RWDD4: variants seen among roughly 807,000 people sequenced by gnomAD.
RWDD4 encodes the protein RWD domain-containing protein 4.
In RWDD4, 16 loss-of-function variants were observed where a neutral mutation model predicts 30.0. The observed-to-expected ratio is 0.53, with a 90% CI of 0.36 to 0.81. RWDD4 has a LOEUF of 0.81. RWDD4 is among the 30% of genes least tolerant of loss of function. The probability of loss-of-function intolerance (pLI) is 0.00; values close to 1 mark genes in which losing one functional copy is unlikely to be tolerated. For missense variants in RWDD4, 170 were observed against 223.9 expected, an observed-to-expected ratio of 0.76 and a Z score of 1.54; for synonymous variants, 45 against 72.1, an observed-to-expected ratio of 0.62 and a Z score of 1.90.
Position 183,656,900 on chromosome 4 carries a change from C to T in RWDD4, c.25-939G>A, listed in dbSNP as rs148847249. Among the ~76,000 whole-genome samples, 207 of 152,290 alleles carry T rather than the reference C, an allele frequency of 1.4e-3. 4 individuals are homozygous for T. The East Asian group carries it at 0.03, about 22-fold the overall frequency. On this transcript the variant is annotated intron_variant, in intron 1 of 7. Coordinates refer to ENST00000326397, the MANE Select transcript of RWDD4 (RefSeq NM_152682.4). Reference sequence around the variant, plus strand: ...AATTAGCCAGGTGTGGTGATGGGCGCCTGTAGTCCCAGCTACTCAGGAGGC... The same window carrying T: ...AATTAGCCAGGTGTGGTGATGGGCGTCTGTAGTCCCAGCTACTCAGGAGGC...
chr4:183,642,093 AC>A (rs1733866217), intron 7 of RWDD4, among the ~76,000 whole-genome samples: 2 of 152,114 alleles, frequency 1.3e-5, no homozygotes, highest in African/African-American at 4.8e-5. Flanking sequence ...CTCCAAGAAC[AC>A]TAGAGAGTGT....
At chr4:183,648,010 C>T (rs937196281) in intron 5 of RWDD4, among the ~76,000 whole-genome samples, 5 of 151,638 alleles carry the variant, frequency 3.3e-5, no homozygotes, top group African/African-American at 9.7e-5. Flanking sequence ...TTTGGGAGGC[C>T]GAGGCTGGCA....
chr4:183,647,496 C>CG (rs1376984947), intron 5 of RWDD4, among the ~76,000 whole-genome samples: 3 of 152,104 alleles, frequency 2.0e-5, no homozygotes, highest in African/African-American at 7.2e-5. Flanking sequence ...GCCACAGTGC[C>CG]GTGGCTGTCC....
intron 2 of RWDD4, among the ~76,000 whole-genome samples, chr4:183,655,573 C>A (rs745957834): frequency 6.6e-6 from 1 of 152,186 alleles, no homozygotes; most frequent in South Asian, 2.1e-4. Context: ...TGAGAGCCAC[C>A]GCGCCCAGCC....
intron 2 of RWDD4, among the ~76,000 whole-genome samples, chr4:183,654,185 G>A (rs1339440763): frequency 6.6e-6 from 1 of 152,156 alleles, no homozygotes; most frequent in Admixed American, 6.5e-5. Flanking sequence ...GGAAAGTTTG[G>A]AGACAGAAAC....
At chr4:183,651,659 C>T (rs190469740) in intron 2 of RWDD4, among the ~76,000 whole-genome samples, 13 of 152,190 alleles carry the variant, frequency 8.5e-5, no homozygotes, top group Middle Eastern at 3.4e-3. Flanking sequence ...TCAACTTATC[C>T]GTGGGATACA....
In RWDD4 at chr4:183,650,948, C is replaced by T. The variant is rs533307082; in HGVS notation, c.363+36G>A. 66 of 1,588,154 alleles carry T rather than the reference C, an allele frequency of 4.2e-5. 2 individuals carry two copies. In the South Asian group the frequency reaches 7.2e-4, roughly 17 times the overall value. The stretch of plus-strand genomic sequence containing the variant: ...ATTGCTAACAGCAAAACCAAAACAA[C>T]AAAAGAATCCGGCAAAAAAATAATC... On this transcript the variant is annotated intron_variant, in intron 4 of 7. Coordinates refer to ENST00000326397, the MANE Select transcript of RWDD4 (RefSeq NM_152682.4).
At position 183,639,764 on chromosome 4, in the gene RWDD4, G is replaced by A. The variant is rs1579119383; in HGVS notation, c.*1672C>T. 2.0e-5 allele frequency: 3 copies of A among 152,688 alleles called. No homozygotes were observed. Among genetic ancestry groups the A allele is most frequent in the African/African-American group, 4.8e-5 (2 of 41,554 alleles). The allele number at this position is 152,688 out of a possible 1,614,324, so 9.5% of individuals were successfully genotyped here. A position where few individuals can be genotyped will look rare whatever the true frequency, so the allele number is the denominator to read the frequency against. On this transcript the variant is annotated 3_prime_UTR_variant, in exon 8 of 8. Coordinates refer to ENST00000326397, the MANE Select transcript of RWDD4 (RefSeq NM_152682.4). ...CGGCAATATTGATGAGGCTGTTCAA[G>A]TGTTTTACATAAGGTAATAAGAGGT...
chr4:183,642,190 T>TAAGC (rs1358739004), intron 7 of RWDD4, among the ~76,000 whole-genome samples: 5 of 114,256 alleles, frequency 4.4e-5, no homozygotes, highest in African/African-American at 1.3e-4. Context: ...TTAAAATTTT[T>TAAGC]TTTTTTTTTT....
intron 2 of RWDD4, chr4:183,653,695 A>G (rs1028996625): frequency 6.6e-6 from 1 of 152,224 alleles, no homozygotes; most frequent in Non-Finnish European, 1.5e-5. Context: ...GATTATCTGC[A>G]TAATAGATGT....
At position 183,656,974 on chromosome 4, in the gene RWDD4, C is replaced by T. The variant is rs528466014; in HGVS notation, c.25-1013G>A. Among the ~76,000 whole-genome samples the T allele has an allele frequency of 1.3e-4, 20 of 152,254 alleles. No homozygotes were observed. The South Asian group carries it at 3.9e-3, about 30-fold the overall frequency. On this transcript the variant is annotated intron_variant, in intron 1 of 7. Transcript: ENST00000326397. ...CCAGGAGGCGGAGGTTGCAGTGAGC[C>T]GAGATCGGGCCACTGCAATCCAGCC...
rs1272833815 is a variant in RWDD4, at chr4:183,648,402, GA to G, written c.481+1048del. ...TGACGTCCTCATTTTCCCTAACTGTGAAAAAGTTTACAGACTGTTATCAATT... is the reference window on the plus strand; with the variant it reads ...TGACGTCCTCATTTTCCCTAACTGTGAAAAGTTTACAGACTGTTATCAATT... On this transcript the variant is annotated intron_variant, in intron 5 of 7. Transcript: ENST00000326397. Among the ~76,000 whole-genome samples, 20 of 152,240 alleles carry G rather than the reference GA, an allele frequency of 1.3e-4. 1 individual carries two copies. The East Asian group carries it at 3.9e-3, about 29-fold the overall frequency.
intron 4 of RWDD4, among the ~76,000 whole-genome samples, chr4:183,650,670 C>G (rs922642921): frequency 2.0e-5 from 3 of 151,918 alleles, no homozygotes; most frequent in African/African-American, 7.3e-5. Flanking sequence ...ATAAGAGATC[C>G]CTTAGCTGTT....
At chr4:183,641,711 C>A (rs552996642) in intron 7 of RWDD4, among the ~76,000 whole-genome samples, 1 of 152,206 alleles carries the variant, frequency 6.6e-6, no homozygotes, top group South Asian at 2.1e-4. Flanking sequence ...GAGCGGGACA[C>A]TCTTGAAGCT....
rs186260549 is a variant in RWDD4, at chr4:183,642,440, C to A, written c.535-972G>T. 1.3e-4 allele frequency among the ~76,000 whole-genome samples: 11 copies of A among 85,324 alleles called. 5 individuals carry two copies. Among genetic ancestry groups the A allele is most frequent in the South Asian group, 6.7e-4 (2 of 2,964 alleles). 56.0% of individuals were successfully genotyped at this position (85,324 alleles called of 152,430 possible). On this transcript the variant is annotated intron_variant, in intron 7 of 7. Coordinates refer to ENST00000326397, the MANE Select transcript of RWDD4 (RefSeq NM_152682.4). The stretch of plus-strand genomic sequence containing the variant: ...TCCTGACCTCGTGATCCGCCCGCCT[C>A]GGCCTCCCAAAGTGCTGGGATTACA...
intron 2 of RWDD4, among the ~76,000 whole-genome samples, chr4:183,652,231 TAA>T (rs1350548498): frequency 1.3e-5 from 2 of 152,222 alleles, no homozygotes; most frequent in African/African-American, 4.8e-5. Context: ...CAATCATATC[TAA>T]AGTGTCCTTT....
chr4:183,647,931 C>T (rs946829214), intron 5 of RWDD4, among the ~76,000 whole-genome samples: 3 of 152,106 alleles, frequency 2.0e-5, no homozygotes, highest in Admixed American at 6.6e-5. Flanking sequence ...CATTCCATTA[C>T]AGAAGAAAGG....
intron 7 of RWDD4, among the ~76,000 whole-genome samples, chr4:183,644,967 G>A (rs1383124034): frequency 6.6e-6 from 1 of 151,980 alleles, no homozygotes; most frequent in Non-Finnish European, 1.5e-5. Flanking sequence ...GAGTGTGGTG[G>A]TGCATGCCTG....
Position 183,646,516 on chromosome 4 carries a change from C to G in RWDD4, c.503G>C (p.Arg168Pro). ...DKTDHKGELP[R>P]GWNWVDVVKH... ...CACAACATCAACCCAGTTCCAGCCT[C>G]GAGGAAGTTCTCCTTTGTGATCTAG... The change falls in exon 6 of 8, where the codon CGA (arginine) becomes CCA (proline). Residue 168 changes from arginine (R) to proline (P), a missense_variant. Arg to Pro is a moderately radical substitution (Grantham distance 103). Transcript: ENST00000326397. 6.2e-7 allele frequency: 1 copy of G among 1,612,008 alleles called. No individual in the cohort carries two copies. The highest frequency in any genetic ancestry group is 8.5e-7 in the Non-Finnish European group (1 of 1,179,568).
Sources: allele counts gnomAD v4.1 joint callset (sites outside exome capture counted in the v4.1 genomes callset), GRCh38; gene constraint gnomAD v4.1.1; transcripts MANE v1.5; gene names NCBI Gene and HGNC (gene_info 2026-07-23, HGNC 2026-07-21).